The following FRK variants were observed in gnomAD, a reference collection of about 807,000 sequenced individuals.
FRK encodes fyn related Src family tyrosine kinase, also known as tyrosine-protein kinase FRK.
FRK carries 51 observed loss-of-function variants against 56.4 expected under a neutral mutation model. That is an observed-to-expected ratio of 0.90 (90% confidence interval 0.72 to 1.14). The LOEUF is 1.14. Ranked by LOEUF, FRK falls within the 50% of genes most tolerant of loss-of-function variation. The pLI, the probability that FRK is intolerant of heterozygous loss-of-function variation, is 0.00. For synonymous variants in FRK, 245 were observed against 217.9 expected (o/e 1.12, Z -1.10); for missense variants, 570 against 601.4 (o/e 0.95, Z 0.55).
In FRK at chr6:115,932,171, T is replaced by C. The variant is rs920343705; in HGVS notation, c.*10243A>G. On this transcript the variant is annotated 3_prime_UTR_variant, in exon 8 of 8. Coordinates refer to ENST00000606080, the MANE Select transcript of FRK (RefSeq NM_002031.3). ...TAAGGCTTTTGAAATTCAGGGTTTATATACTACTTTGTTCTCCAGTATATT... is the reference window on the plus strand; with the variant it reads ...TAAGGCTTTTGAAATTCAGGGTTTACATACTACTTTGTTCTCCAGTATATT... The C allele has an allele frequency of 4.3e-5, 3 of 69,500 alleles. No individual in the cohort carries two copies. Among genetic ancestry groups the C allele is most frequent in the African/African-American group, 1.9e-4 (3 of 15,660 alleles). The allele number at this position is 69,500 out of a possible 1,614,324, so 4.3% of individuals were successfully genotyped here.
intron 1 of FRK, 128 bp downstream of exon 1, chr6:116,059,840 T>A: frequency 1.3e-6 from 1 of 782,728 alleles, no homozygotes; most frequent in Non-Finnish European, 2.1e-6. Flanking sequence ...AGTGGTTTCT[T>A]GCCAGTACTT....
intron 1 of FRK, among the ~76,000 whole-genome samples, chr6:116,032,941 TA>T (rs1776350890): frequency 6.6e-6 from 1 of 151,972 alleles, no homozygotes; most frequent in Non-Finnish European, 1.5e-5. Flanking sequence ...ATTATGGAAA[TA>T]AGAGAAAAGC....
At chr6:116,054,103 A>G (rs1448919979) in intron 1 of FRK, among the ~76,000 whole-genome samples, 1 of 151,792 alleles carries the variant, frequency 6.6e-6, no homozygotes, top group Non-Finnish European at 1.5e-5. Context: ...TTATTATATA[A>G]CAAATTGAGT....
In FRK at chr6:115,941,616, A is replaced by C. The variant is rs1036839557; in HGVS notation, c.*798T>G. On this transcript the variant is annotated 3_prime_UTR_variant, in exon 8 of 8. Transcript: ENST00000606080. The stretch of plus-strand genomic sequence containing the variant: ...CCTACTGTTCTCCTCTCATTTTCCT[A>C]AACTATTTTGATACCTATTTCTCAG... 6 of 152,118 alleles carry C rather than the reference A, an allele frequency of 3.9e-5. No homozygotes were observed. Among genetic ancestry groups the C allele is most frequent in the African/African-American group, 1.4e-4 (6 of 41,414 alleles). 9.4% of individuals were successfully genotyped at this position (152,118 alleles called of 1,614,324 possible).
At chr6:115,947,072 A>C (rs1466834691) in intron 5 of FRK, among the ~76,000 whole-genome samples, 1 of 152,056 alleles carries the variant, frequency 6.6e-6, no homozygotes, top group East Asian at 1.9e-4. Flanking sequence ...GTAATGGGAA[A>C]GCAGTTATCA....
chr6:116,099,532 A>T, the FRK span, among the ~76,000 whole-genome samples: 7 of 152,214 alleles, frequency 4.6e-5, no homozygotes, highest in Admixed American at 2.0e-4. Flanking sequence ...CATTGAAAAC[A>T]TGATTGTTGG....
the FRK span, among the ~76,000 whole-genome samples, chr6:116,068,631 C>T: frequency 1.3e-5 from 2 of 152,074 alleles, no homozygotes; most frequent in East Asian, 1.9e-4. Flanking sequence ...TGACGGACTA[C>T]ATTAAACATC....
chr6:116,094,514 C>T, the FRK span, among the ~76,000 whole-genome samples: 22 of 152,206 alleles, frequency 1.4e-4, no homozygotes, highest in African/African-American at 5.1e-4. Context: ...AGTAAGTATG[C>T]TTATCTAATC....
intron 2 of FRK, among the ~76,000 whole-genome samples, chr6:116,001,161 C>T: frequency 6.6e-6 from 1 of 151,758 alleles, no homozygotes; most frequent in East Asian, 1.9e-4. Context: ...TTGCTTGAAC[C>T]CAGAAGGGAG....
chr6:116,039,428 A>G (rs1776626634), intron 1 of FRK: 1 of 1,573,878 alleles, frequency 6.4e-7, no homozygotes, highest in Admixed American at 1.7e-5. Flanking sequence ...CCTGAAGTGG[A>G]TGGCTTCCTC....
chr6:116,093,089 G>A, the FRK span, among the ~76,000 whole-genome samples: 1 of 152,156 alleles, frequency 6.6e-6, no homozygotes. Context: ...TTTCATTGAA[G>A]GTGAATCCAC....
intron 1 of FRK, among the ~76,000 whole-genome samples, chr6:116,037,802 T>C (rs1776544272): frequency 1.2e-5 from 1 of 83,698 alleles, no homozygotes; most frequent in African/African-American, 4.7e-5. Flanking sequence ...TTTAAACTAA[T>C]GTGTCTCCTC....
At chr6:116,100,540 G>A in the FRK span, among the ~76,000 whole-genome samples, 2 of 152,016 alleles carry the variant, frequency 1.3e-5, no homozygotes, top group Non-Finnish European at 2.9e-5. Context: ...GGAGTGTCCC[G>A]GTTAATTTTG....
rs190411815 is a variant in FRK, at chr6:116,040,750, C to T, written c.344+19218G>A. Among the ~76,000 whole-genome samples, 219 of 152,144 alleles carry T rather than the reference C, an allele frequency of 1.4e-3. 2 individuals are homozygous for T. Among genetic ancestry groups the T allele is most frequent in the African/African-American group, 1.7e-3 (70 of 41,484 alleles). ...AAAAGATTTACTCTGACAATGGAAA[C>T]GGGAAGAATTCATAGGCTCATTACT... On this transcript the variant is annotated intron_variant, in intron 1 of 7. Transcript: ENST00000606080.
intron 1 of FRK, among the ~76,000 whole-genome samples, chr6:116,008,817 C>A (rs1354102983): frequency 6.6e-6 from 1 of 151,986 alleles, no homozygotes; most frequent in Admixed American, 6.6e-5. Context: ...TCAAGATATC[C>A]TAGGAGTATA....
intron 4 of FRK, among the ~76,000 whole-genome samples, chr6:115,963,086 C>CG (rs1773447258): frequency 2.0e-5 from 1 of 50,112 alleles, no homozygotes; most frequent in Non-Finnish European, 4.1e-5. Context: ...AAAAAACCTT[C>CG]AAAAAATCAA....
the FRK span, among the ~76,000 whole-genome samples, chr6:116,078,467 T>C: frequency 5.3e-5 from 8 of 152,182 alleles, no homozygotes; most frequent in Non-Finnish European, 1.0e-4. Context: ...AGACTCCTAA[T>C]AGCTAATGTA....
chr6:115,992,152 C>T (rs1255535222), intron 2 of FRK, among the ~76,000 whole-genome samples: 3 of 151,562 alleles, frequency 2.0e-5, no homozygotes, highest in Non-Finnish European at 4.4e-5. Flanking sequence ...ATCCTTTGCT[C>T]TTTCAAAGTA....
intron 5 of FRK, among the ~76,000 whole-genome samples, chr6:115,944,964 G>A (rs963721576): frequency 5.3e-5 from 8 of 152,050 alleles, no homozygotes; most frequent in African/African-American, 1.9e-4. Context: ...AGAACATGTG[G>A]TATTTGCTTT....
Sources: gnomAD v4.1 joint callset for allele counts (sites outside exome capture counted in the v4.1 genomes callset) on GRCh38, gnomAD v4.1.1 for gene constraint, MANE v1.5 for transcripts, NCBI Gene and HGNC (gene_info 2026-07-23, HGNC 2026-07-21) for gene names.